Variants in AP3S2 observed in about 807,000 individuals in gnomAD.
The protein encoded by AP3S2 is AP-3 complex subunit sigma-2.
AP3S2 carries 22 observed loss-of-function variants against 23.4 expected under a neutral mutation model. The ratio of observed to expected loss-of-function variants is 0.94; its 90% CI spans 0.67 to 1.34. The LOEUF is 1.34. AP3S2 is among the 40% of genes most tolerant of loss of function. The probability of loss-of-function intolerance (pLI) is 0.00; values close to 1 mark genes in which losing one functional copy is unlikely to be tolerated. For synonymous variants in AP3S2, 86 were observed against 87.1 expected (o/e 0.99, Z 0.07); for missense variants, 241 against 236.9 (o/e 1.02, Z -0.11).
At chr15:89,846,970 C>CTCATTTTT (rs1310623521) in intron 4 of AP3S2, among the ~76,000 whole-genome samples, 2 of 152,170 alleles carry the variant, frequency 1.3e-5, no homozygotes, top group Non-Finnish European at 2.9e-5. Context: ...CTCGCCTGGC[C>CTCATTTTT]TCATTTTTTC....
chr15:89,841,326 C>A (rs568234247), intron 4 of AP3S2, among the ~76,000 whole-genome samples: 2 of 152,248 alleles, frequency 1.3e-5, no homozygotes, highest in East Asian at 1.9e-4. Context: ...AAATTCCAAA[C>A]CCCCAAACAG....
At chr15:89,874,116 T>C (rs955322400) in intron 3 of AP3S2, among the ~76,000 whole-genome samples, 1 of 98,678 alleles carries the variant, frequency 1.0e-5, no homozygotes, top group Non-Finnish European at 2.0e-5. Context: ...AGCTTAAGAA[T>C]AGGGTTTTGG....
intron 3 of AP3S2, among the ~76,000 whole-genome samples, chr15:89,882,535 T>C (rs1412538590): frequency 2.0e-5 from 3 of 152,086 alleles, no homozygotes; most frequent in African/African-American, 7.2e-5. Flanking sequence ...TTTTGTATTT[T>C]TAGTAGAGAC....
At chr15:89,853,487 T>C (rs1201148362) in intron 4 of AP3S2, among the ~76,000 whole-genome samples, 2 of 152,212 alleles carry the variant, frequency 1.3e-5, no homozygotes, top group East Asian at 3.8e-4. Context: ...AAATTATAAA[T>C]GGTACCCAAA....
At chr15:89,880,359 G>A (rs975147631) in intron 3 of AP3S2, among the ~76,000 whole-genome samples, 2 of 152,040 alleles carry the variant, frequency 1.3e-5, no homozygotes, top group East Asian at 1.9e-4. Context: ...GCCACAAAGG[G>A]GAAATAACTA....
chr15:89,856,154 G>C (rs1002543970), intron 4 of AP3S2, among the ~76,000 whole-genome samples: 2 of 152,144 alleles, frequency 1.3e-5, no homozygotes, highest in African/African-American at 4.8e-5. Context: ...AGTGCACCCA[G>C]AGGTTATCTC....
intron 4 of AP3S2, among the ~76,000 whole-genome samples, chr15:89,846,804 G>GTA (rs1410963511): frequency 6.6e-6 from 1 of 152,128 alleles, no homozygotes; most frequent in Non-Finnish European, 1.5e-5. Flanking sequence ...GGGATTACAG[G>GTA]TATGAGCAAC....
chr15:89,890,991 C>G (rs1896808277), intron 1 of AP3S2, among the ~76,000 whole-genome samples: 1 of 152,168 alleles, frequency 6.6e-6, no homozygotes, highest in Non-Finnish European at 1.5e-5. Flanking sequence ...TGACAGGATG[C>G]TGTAGGAGAC....
At position 89,889,130 on chromosome 15, in the gene AP3S2, A is replaced by G. The variant is rs1219626989; in HGVS notation, c.80T>C (p.Ile27Thr). 3 of 1,614,186 alleles carry G rather than the reference A, an allele frequency of 1.9e-6. No individual in the cohort carries two copies. Among genetic ancestry groups the G allele is most frequent in the African/African-American group, 2.7e-5 (2 of 75,060 alleles). The change falls in exon 2 of 6, where the codon ATT becomes ACT. Residue 27 changes from isoleucine (I) to threonine (T), a missense_variant. Transcript: ENST00000336418. Reference sequence around the variant, plus strand: ...AGTCTCTCGAACAATCTGCTGTTGAATTTCTTCTGGCTATGAAACAAAAAG... The same window carrying G: ...AGTCTCTCGAACAATCTGCTGTTGAGTTTCTTCTGGCTATGAAACAAAAAG... ...VRFYQRFPEE[I>T]QQQIVRETFH...
At chr15:89,846,638 T>C (rs1895498838) in intron 4 of AP3S2, among the ~76,000 whole-genome samples, 1 of 151,972 alleles carries the variant, frequency 6.6e-6, no homozygotes, top group Non-Finnish European at 1.5e-5. Context: ...GCAATTCTCC[T>C]GCCTCAGCCT....
At position 89,830,993 on chromosome 15, in the gene AP3S2, G is replaced by A. The variant is rs1895066053; in HGVS notation, c.*4522C>T. The A allele has an allele frequency of 6.5e-6, 1 of 152,884 alleles. No homozygotes were observed. Among genetic ancestry groups the A allele is most frequent in the Admixed American group, 6.5e-5 (1 of 15,292 alleles). The allele number at this position is 152,884 out of a possible 1,614,324, so 9.5% of individuals were successfully genotyped here. On this transcript the variant is annotated 3_prime_UTR_variant, in exon 6 of 6. Transcript: ENST00000336418. Reference sequence around the variant, plus strand: ...AAATTGGAAACACTTCTTGCTACCAGGGATGGGGGGTGGGGCTCAGCGTTT... The same window carrying A: ...AAATTGGAAACACTTCTTGCTACCAAGGATGGGGGGTGGGGCTCAGCGTTT...
At chr15:89,837,840 A>G (rs991662969) in intron 4 of AP3S2, 118 bp from the exon 5 acceptor site, 1 of 1,174,986 alleles carries the variant, frequency 8.5e-7, no homozygotes, top group Non-Finnish European at 1.2e-6. Context: ...CTGACTCACA[A>G]CTCAGACACT....
intron 3 of AP3S2, chr15:89,878,356 CA>C (rs1271872369): frequency 1.2e-5 from 7 of 604,198 alleles, no homozygotes; most frequent in East Asian, 6.1e-5. Flanking sequence ...ATAAATATAA[CA>C]AAAAAAGAAT....
chr15:89,858,049 C>A (rs896006962), intron 4 of AP3S2, among the ~76,000 whole-genome samples: 6 of 152,178 alleles, frequency 3.9e-5, no homozygotes, highest in African/African-American at 1.4e-4. Flanking sequence ...ACCTTGCTCT[C>A]ATAAGCCATT....
chr15:89,885,809 C>T (rs1896685618), intron 3 of AP3S2, among the ~76,000 whole-genome samples: 1 of 151,596 alleles, frequency 6.6e-6, no homozygotes, highest in African/African-American at 2.4e-5. Context: ...GATGTGGTGA[C>T]GCATGCCTGT....
intron 3 of AP3S2, among the ~76,000 whole-genome samples, chr15:89,880,749 G>A (rs1280758755): frequency 1.3e-5 from 2 of 151,826 alleles, no homozygotes; most frequent in Non-Finnish European, 2.9e-5. Flanking sequence ...AGTTAACTCA[G>A]TAGAATAAAA....
Position 89,893,994 on chromosome 15 carries a change from C to G in AP3S2, c.-45G>C. ...CTCAGCACCGGCTACTCCCAGAAAG[C>G]TCCTCCTTCCGCCACAACACGATCA... On this transcript the variant is annotated 5_prime_UTR_variant, in exon 1 of 6. Transcript: ENST00000336418. The G allele has an allele frequency of 1.9e-6, 3 of 1,538,462 alleles. No homozygotes were observed. Among genetic ancestry groups the G allele is most frequent in the South Asian group, 1.2e-5 (1 of 83,756 alleles).
chr15:89,869,808 C>T (rs1427529759), intron 4 of AP3S2, among the ~76,000 whole-genome samples: 2 of 151,460 alleles, frequency 1.3e-5, no homozygotes, highest in African/African-American at 4.9e-5. Flanking sequence ...GGCTGGAGAG[C>T]AGTGGCGCGA....
Position 89,858,133 on chromosome 15 carries a change from T to A in AP3S2, c.345+13342A>T, listed in dbSNP as rs551276090. Among the ~76,000 whole-genome samples, 15 of 152,164 alleles carry A rather than the reference T, an allele frequency of 9.9e-5. No homozygotes were observed. In the South Asian group the frequency reaches 3.1e-3, roughly 32 times the overall value. ...ATCAAGCCTGGAAAAGGGTTCTTAG[T>A]TAGGAATCAAGAGATTCTGCTTTGC... is the stretch of plus-strand genomic sequence containing the variant. On this transcript the variant is annotated intron_variant, in intron 4 of 5. Transcript: ENST00000336418.
Sources: gnomAD v4.1 joint callset for allele counts (sites outside exome capture counted in the v4.1 genomes callset) on GRCh38, gnomAD v4.1.1 for gene constraint, MANE v1.5 for transcripts, NCBI Gene and HGNC (gene_info 2026-07-23, HGNC 2026-07-21) for gene names.